USH2A: variants seen among roughly 807,000 people sequenced by gnomAD.
USH2A encodes usherin, also known as Usher syndrome 2A (autosomal recessive, mild).
A neutral mutation model predicts 538.9 loss-of-function variants in USH2A; 443 were observed. That is an observed-to-expected ratio of 0.82 (90% CI 0.76 to 0.89). USH2A has a LOEUF of 0.89. Among genes scored for constraint, USH2A ranks in the 40% least tolerant of loss-of-function variants. The pLI, the probability that USH2A is intolerant of heterozygous loss-of-function variation, is 0.00. For synonymous variants in USH2A, 2,413 were observed against 2,273.5 expected (o/e 1.06, Z -1.75); for missense variants, 6,633 against 6,324.8 (o/e 1.05, Z -1.65).
intron 61 of USH2A, among the ~76,000 whole-genome samples, chr1:215,712,783 T>G (rs1659374851): frequency 6.6e-6 from 1 of 151,996 alleles, no homozygotes; most frequent in East Asian, 1.9e-4. Context: ...TTTTCCTTCC[T>G]TCCTTCCTGT....
intron 9 of USH2A, among the ~76,000 whole-genome samples, chr1:216,298,528 CA>C (rs758069572): frequency 5.9e-5 from 9 of 152,126 alleles, no homozygotes; most frequent in South Asian, 2.1e-4. Flanking sequence ...ACCAGTGACC[CA>C]ATGGAATGGT....
chr1:216,353,220 G>A (rs941054180), intron 4 of USH2A, among the ~76,000 whole-genome samples: 7 of 152,150 alleles, frequency 4.6e-5, no homozygotes, highest in South Asian at 2.1e-4. Context: ...AAGATCCCGG[G>A]AGGGATGAGG....
intron 21 of USH2A, among the ~76,000 whole-genome samples, chr1:216,168,192 TC>T (rs1404888917): frequency 6.6e-6 from 1 of 152,140 alleles, no homozygotes; most frequent in Non-Finnish European, 1.5e-5. Flanking sequence ...TGCTCAAAGT[TC>T]CTTTTCCAAC....
intron 41 of USH2A, among the ~76,000 whole-genome samples, chr1:215,882,225 T>C (rs1005621018): frequency 3.9e-5 from 6 of 152,214 alleles, no homozygotes; most frequent in Non-Finnish European, 1.5e-5. Context: ...ATGTCTAATG[T>C]GATGAGACAA....
chr1:216,418,310 C>A (rs2039609906), intron 3 of USH2A, among the ~76,000 whole-genome samples: 1 of 151,982 alleles, frequency 6.6e-6, no homozygotes. Context: ...GCTTTTACAG[C>A]AATTTTGGGG....
intron 30 of USH2A, among the ~76,000 whole-genome samples, chr1:216,054,073 G>A (rs973526248): frequency 4.6e-5 from 7 of 152,272 alleles, no homozygotes; most frequent in African/African-American, 1.4e-4. Context: ...TGAACACAGA[G>A]GGCATAGCCT....
chr1:216,097,106 G>A lies in USH2A; in HGVS notation c.4735C>T (p.Leu1579Phe), dbSNP rs1558256779. ...YFALQLKKGR[L>F]YFLFDPQGSP... ...ACCTGAGGATCAAAAAGAAAATAAA[G>A]ACGTCCCTTCTTCAACTGAAGTGCA... Residue 1579 changes from leucine (L) to phenylalanine (F), a missense_variant, in exon 22 of 72, where the codon CTT becomes TTT. By Grantham distance (22) the Leu-to-Phe change is conservative (BLOSUM62 0). Coordinates refer to ENST00000307340, the MANE Select transcript of USH2A (RefSeq NM_206933.4). 9 of 1,614,046 alleles carry A rather than the reference G, an allele frequency of 5.6e-6. No homozygotes were observed. The highest frequency in any genetic ancestry group is 7.6e-6 in the Non-Finnish European group (9 of 1,179,986).
In USH2A at chr1:216,291,075, G is replaced by A. The variant is rs934108655; in HGVS notation, c.1840+1100C>T. 5.3e-5 allele frequency among the ~76,000 whole-genome samples: 8 copies of A among 151,982 alleles called. No individual in the cohort carries two copies. In the South Asian group the frequency reaches 1.7e-3, roughly 31 times the overall value. On this transcript the variant is annotated intron_variant, in intron 10 of 71. Transcript: ENST00000307340. Reference sequence around the variant, plus strand: ...AATCCATTTTTTACTTTATAACCAGGTGTATCTTTTAATAACAAGTAACTC... The same window carrying A: ...AATCCATTTTTTACTTTATAACCAGATGTATCTTTTAATAACAAGTAACTC...
intron 61 of USH2A, among the ~76,000 whole-genome samples, chr1:215,727,641 C>T (rs957101949): frequency 1.3e-5 from 2 of 152,016 alleles, no homozygotes; most frequent in African/African-American, 4.8e-5. Context: ...AGGAGAATTG[C>T]TTAAACCTAG....
At chr1:215,803,115 T>C (rs1662388069) in intron 49 of USH2A, among the ~76,000 whole-genome samples, 1 of 152,116 alleles carries the variant, frequency 6.6e-6, no homozygotes, top group Non-Finnish European at 1.5e-5. Context: ...ATAAATTAGG[T>C]ATTGATGGGA....
At chr1:215,962,922 A>C (rs1328337689) in intron 37 of USH2A, among the ~76,000 whole-genome samples, 2 of 152,154 alleles carry the variant, frequency 1.3e-5, no homozygotes, top group Non-Finnish European at 2.9e-5. Flanking sequence ...ATACGAGTTG[A>C]CATGAAGAAT....
At chr1:216,367,979 A>G (rs1344186001) in intron 3 of USH2A, among the ~76,000 whole-genome samples, 1 of 152,222 alleles carries the variant, frequency 6.6e-6, no homozygotes, top group Non-Finnish European at 1.5e-5. Flanking sequence ...GTGCATGTTT[A>G]TTGGTGTGTC....
At chr1:216,132,519 T>C (rs970975211) in intron 21 of USH2A, among the ~76,000 whole-genome samples, 3 of 152,106 alleles carry the variant, frequency 2.0e-5, no homozygotes, top group Non-Finnish European at 4.4e-5. Context: ...CATTCATTTC[T>C]AACCTTGCTT....
At chr1:216,211,387 G>C (rs1380645662) in intron 15 of USH2A, among the ~76,000 whole-genome samples, 1 of 152,172 alleles carries the variant, frequency 6.6e-6, no homozygotes, top group East Asian at 1.9e-4. Flanking sequence ...TATAGCGCAA[G>C]AGTTGAACTG....
At chr1:216,335,271 C>T (rs973437834) in intron 4 of USH2A, among the ~76,000 whole-genome samples, 14 of 151,712 alleles carry the variant, frequency 9.2e-5, no homozygotes, top group Admixed American at 2.6e-4. Context: ...CAACATATCA[C>T]ACTTTATGGG....
At chr1:215,845,353 G>GT (rs1663810973) in intron 45 of USH2A, among the ~76,000 whole-genome samples, 1 of 152,062 alleles carries the variant, frequency 6.6e-6, no homozygotes, top group Non-Finnish European at 1.5e-5. Context: ...AGATTCACAA[G>GT]TTGCTTCCCT....
intron 3 of USH2A, among the ~76,000 whole-genome samples, chr1:216,370,980 C>G (rs1043663047): frequency 6.6e-6 from 1 of 152,202 alleles, no homozygotes; most frequent in South Asian, 2.1e-4. Context: ...ATCCCACTGC[C>G]TTCCCAGATC....
chr1:215,844,437 T>C lies in USH2A; in HGVS notation c.9115A>G (p.Ile3039Val). 1 of 1,613,160 alleles carries C rather than the reference T, an allele frequency of 6.2e-7. No homozygotes were observed. Among genetic ancestry groups the C allele is most frequent in the Non-Finnish European group, 8.5e-7 (1 of 1,179,848 alleles). The change falls in exon 46 of 72, where the codon ATC (isoleucine) becomes GTC (valine). Residue 3039 changes from isoleucine to valine, a missense_variant. Ile to Val is a conservative substitution (Grantham distance 29). Transcript: ENST00000307340. Reference protein sequence around the residue: ...VIINSTAVRVIWTSPSNPNGV... With the variant: ...VIINSTAVRVVWTSPSNPNGV... ...TTTGGGTTTGAAGGAGATGTCCAGA[T>C]GACACGTACAGCTGTACTGTTGATG...
In USH2A at chr1:216,175,351, G is replaced by A. The variant is rs1196936928; in HGVS notation, c.4528C>T (p.Pro1510Ser). 2.5e-6 allele frequency: 4 copies of A among 1,613,806 alleles called. No individual in the cohort carries two copies. The highest frequency in any genetic ancestry group is 3.4e-6 in the Non-Finnish European group (4 of 1,179,862). ...TTCATCATCGTGGTCATCAGAGCTG[G>A]TAGAGATGACTCTCTCCTTTCCAGC... is the stretch of plus-strand genomic sequence containing the variant. ...YQLERRESSL[P>S]ALMTTMMKGI... Residue 1510 changes from proline to serine, a missense_variant, in exon 21 of 72, where the codon CCA becomes TCA. Transcript: ENST00000307340.
Sources: allele counts gnomAD v4.1 joint callset (sites outside exome capture counted in the v4.1 genomes callset), GRCh38; gene constraint gnomAD v4.1.1; transcripts MANE v1.5; gene names NCBI Gene and HGNC (gene_info 2026-07-23, HGNC 2026-07-21).